The following KCNK1 variants were observed in gnomAD, a reference collection of about 807,000 sequenced individuals.
KCNK1 encodes the protein potassium two pore domain channel subfamily K member 1, also known as potassium channel subfamily K member 1.
KCNK1 carries 10 observed loss-of-function variants against 22.2 expected under a neutral mutation model. The ratio of observed to expected loss-of-function variants is 0.45; its 90% CI spans 0.28 to 0.76. KCNK1 has a LOEUF of 0.76. Among genes scored for constraint, KCNK1 ranks in the 30% least tolerant of loss-of-function variants. The pLI is 0.14. For missense variants in KCNK1, 378 were observed against 421.0 expected (o/e 0.90, Z 0.89); for synonymous variants, 200 against 186.4 (o/e 1.07, Z -0.60).
At chr1:233,631,400 A>T (rs1449859055) in intron 1 of KCNK1, 5 of 445,998 alleles carry the variant, frequency 1.1e-5, no homozygotes, top group Non-Finnish European at 2.4e-5. Flanking sequence ...CTCTTTAATG[A>T]TAGGATTTTA....
rs770710759 is a variant in KCNK1 at position 233,614,246 on chromosome 1, C to T, written c.75C>T (p.Phe25=). Residue 25 remains phenylalanine (F), a synonymous_variant, in exon 1 of 3, where the codon TTC becomes TTT. Coordinates refer to ENST00000366621, the MANE Select transcript of KCNK1 (RefSeq NM_002245.4). ...ERHRSAWCFG[F]LVLGYLLYLV... is the part of the protein sequence containing the mutation. Reference sequence around the variant, plus strand: ...ACCGCTCGGCCTGGTGCTTCGGCTTCCTGGTGCTGGGCTACTTGCTCTACC... The same window carrying T: ...ACCGCTCGGCCTGGTGCTTCGGCTTTCTGGTGCTGGGCTACTTGCTCTACC... 8.1e-6 allele frequency: 13 copies of T among 1,612,924 alleles called. No homozygotes were observed. Among genetic ancestry groups the T allele is most frequent in the Middle Eastern group, 1.7e-4 (1 of 5,822 alleles).
intron 1 of KCNK1, among the ~76,000 whole-genome samples, chr1:233,625,773 A>G (rs936146887): frequency 6.6e-6 from 1 of 152,082 alleles, no homozygotes. Flanking sequence ...CACTTACGTA[A>G]AGAGTGAGAG....
In KCNK1 at chr1:233,634,567, G is replaced by A. The variant is rs1203552569; in HGVS notation, c.355+20041G>A. On this transcript the variant is annotated intron_variant, in intron 1 of 2. Transcript: ENST00000366621. ...CAAACCCAGGTGCTCAGACAGTCCC[G>A]GATGGAGGCTGTTGGAGAGAGTCAA... is the stretch of plus-strand genomic sequence containing the variant. 2.6e-5 allele frequency among the ~76,000 whole-genome samples: 4 copies of A among 152,254 alleles called. No individual in the cohort carries two copies. In the East Asian group the frequency reaches 5.8e-4, roughly 22 times the overall value.
chr1:233,662,485 G>T (rs1658414411), intron 1 of KCNK1, among the ~76,000 whole-genome samples: 1 of 152,180 alleles, frequency 6.6e-6, no homozygotes, highest in Admixed American at 6.5e-5. Flanking sequence ...GACTTGCTCT[G>T]ATGTACTCTA....
At chr1:233,618,832 C>T (rs1047253031) in intron 1 of KCNK1, among the ~76,000 whole-genome samples, 1 of 151,918 alleles carries the variant, frequency 6.6e-6, no homozygotes, top group African/African-American at 2.4e-5. Flanking sequence ...TGCAGTGAGC[C>T]AAGATTGCAC....
chr1:233,619,100 C>T (rs370909421), intron 1 of KCNK1, among the ~76,000 whole-genome samples: 161 of 152,230 alleles, frequency 1.1e-3, no homozygotes, highest in African/African-American at 3.8e-3. Context: ...TCACTTCAGC[C>T]TCTAACTCCT....
chr1:233,638,658 C>A (rs866781333), intron 1 of KCNK1, among the ~76,000 whole-genome samples: 2 of 152,186 alleles, frequency 1.3e-5, no homozygotes, highest in African/African-American at 4.8e-5. Flanking sequence ...CCTTTTGGGG[C>A]TGAGTGGCCA....
At position 233,666,582 on chromosome 1, in the gene KCNK1, G is replaced by A; in HGVS notation, c.356-13G>A. 6.3e-7 allele frequency: 1 copy of A among 1,583,754 alleles called. No homozygotes were observed. Among genetic ancestry groups the A allele is most frequent in the Non-Finnish European group, 8.6e-7 (1 of 1,163,426 alleles). On this transcript the variant is annotated splice_polypyrimidine_tract_variant and intron_variant, in intron 1 of 2. Coordinates refer to ENST00000366621, the MANE Select transcript of KCNK1 (RefSeq NM_002245.4). ...TCTTCCTCTTCGCCTCAGTGACCTTGTTCTCCTTGCAGGTTATGGCCACAC... is the reference window on the plus strand; with the variant it reads ...TCTTCCTCTTCGCCTCAGTGACCTTATTCTCCTTGCAGGTTATGGCCACAC...
chr1:233,656,656 G>A (rs961292057), intron 1 of KCNK1, among the ~76,000 whole-genome samples: 23 of 152,196 alleles, frequency 1.5e-4, no homozygotes, highest in Admixed American at 8.5e-4. Context: ...GTCTCTCGTC[G>A]TCTAGGCTGG....
At chr1:233,635,637 A>G (rs1657884635) in intron 1 of KCNK1, among the ~76,000 whole-genome samples, 2 of 152,210 alleles carry the variant, frequency 1.3e-5, no homozygotes, top group South Asian at 4.1e-4. Flanking sequence ...CTTTTGCCGA[A>G]TGAAATTTAT....
At chr1:233,638,557 A>C (rs1657950255) in intron 1 of KCNK1, among the ~76,000 whole-genome samples, 1 of 152,204 alleles carries the variant, frequency 6.6e-6, no homozygotes, top group African/African-American at 2.4e-5. Context: ...TTGTGAAGCA[A>C]ATCGTTGACC....
At chr1:233,622,364 G>A (rs555584961) in intron 1 of KCNK1, among the ~76,000 whole-genome samples, 8 of 152,244 alleles carry the variant, frequency 5.3e-5, no homozygotes, top group East Asian at 1.9e-4. Flanking sequence ...TGACAAATCC[G>A]TGAAATACTA....
intron 1 of KCNK1, among the ~76,000 whole-genome samples, chr1:233,626,560 G>T (rs1006998674): frequency 1.3e-5 from 2 of 152,178 alleles, no homozygotes; most frequent in African/African-American, 2.4e-5. Context: ...GCTGAAGAAG[G>T]CTTTTGGGGG....
intron 1 of KCNK1, among the ~76,000 whole-genome samples, chr1:233,634,566 C>CG (rs1657863964): frequency 6.6e-6 from 1 of 152,102 alleles, no homozygotes; most frequent in African/African-American, 2.4e-5. Flanking sequence ...CAGACAGTCC[C>CG]GGATGGAGGC....
intron 1 of KCNK1, among the ~76,000 whole-genome samples, chr1:233,619,606 G>A (rs77485207): frequency 0.011 from 1,684 of 152,130 alleles, 15 homozygotes; most frequent in Middle Eastern, 0.02. Context: ...AATACTTGTT[G>A]CGCTTTTAGA....
Position 233,668,431 on chromosome 1 carries a change from C to CT in KCNK1, c.751+1449dup, listed in dbSNP as rs34855700. On this transcript the variant is annotated intron_variant, in intron 2 of 2. Transcript: ENST00000366621. Reference sequence around the variant, plus strand: ...CTGGCTACCATACAAGTTCGACAGACTTTTTTTTGCCAAATGGTTACTTAG... The same window carrying CT: ...CTGGCTACCATACAAGTTCGACAGACTTTTTTTTTGCCAAATGGTTACTTAG... Among the ~76,000 whole-genome samples, 751 of 152,072 alleles carry CT rather than the reference C, an allele frequency of 4.9e-3. 8 individuals are homozygous for CT. Among genetic ancestry groups the CT allele is most frequent in the African/African-American group, 0.016 (668 of 41,490 alleles).
In KCNK1 at chr1:233,634,073, C is replaced by T. The variant is rs181382170; in HGVS notation, c.355+19547C>T. 1.9e-3 allele frequency among the ~76,000 whole-genome samples: 289 copies of T among 152,060 alleles called. 1 individual carries two copies. The highest frequency in any genetic ancestry group is 6.8e-3 in the Middle Eastern group (2 of 292). On this transcript the variant is annotated intron_variant, in intron 1 of 2. Transcript: ENST00000366621. ...TTGTAATCCCAGCACTTTGGGAGGCCGAGGCGGGCGAATCACAAGGTCAGG... is the reference window on the plus strand; with the variant it reads ...TTGTAATCCCAGCACTTTGGGAGGCTGAGGCGGGCGAATCACAAGGTCAGG...
intron 1 of KCNK1, among the ~76,000 whole-genome samples, chr1:233,624,457 C>T (rs1384985257): frequency 6.6e-6 from 1 of 152,098 alleles, no homozygotes; most frequent in African/African-American, 2.4e-5. Flanking sequence ...CACCTATCTT[C>T]ACCTGGCCTC....
At chr1:233,629,380 G>C (rs2102887180) in intron 1 of KCNK1, among the ~76,000 whole-genome samples, 1 of 152,212 alleles carries the variant, frequency 6.6e-6, no homozygotes, top group South Asian at 2.1e-4. Flanking sequence ...CCGGGGAAGA[G>C]GGTTGTTAAG....
Sources: gnomAD v4.1 joint callset for allele counts (sites outside exome capture counted in the v4.1 genomes callset) on GRCh38, gnomAD v4.1.1 for gene constraint, MANE v1.5 for transcripts, NCBI Gene and HGNC (gene_info 2026-07-23, HGNC 2026-07-21) for gene names.